KALRN: variants seen among roughly 807,000 people sequenced by gnomAD.
The protein encoded by KALRN is kalirin RhoGEF kinase.
Under a neutral mutation model 353.7 loss-of-function variants are expected in KALRN, and 70 were observed. That is an observed-to-expected ratio of 0.20 (90% CI 0.16 to 0.24). KALRN has a LOEUF of 0.24. KALRN is among the 10% of genes least tolerant of loss of function. The probability of loss-of-function intolerance (pLI) is 1.00; values close to 1 mark genes in which losing one functional copy is unlikely to be tolerated. For missense variants in KALRN, 2,791 were observed against 3,756.7 expected, an observed-to-expected ratio of 0.74 and a Z score of 6.72; for synonymous variants, 1,391 against 1,434.8, an observed-to-expected ratio of 0.97 and a Z score of 0.69.
intron 34 of KALRN, among the ~76,000 whole-genome samples, chr3:124,598,763 G>T (rs1462348099): frequency 7.9e-5 from 12 of 152,192 alleles, no homozygotes; most frequent in Non-Finnish European, 1.6e-4. Context: ...TGCAACCTCC[G>T]CATCCCAGGC....
intron 15 of KALRN, 34 bp from the exon 16 acceptor site, chr3:124,430,622 G>C: frequency 6.2e-7 from 1 of 1,611,448 alleles, no homozygotes. Flanking sequence ...ACTGCGGAAG[G>C]CCATTCACCT....
chr3:124,671,038 A>G (rs1347986415), intron 47 of KALRN, among the ~76,000 whole-genome samples: 1 of 152,002 alleles, frequency 6.6e-6, no homozygotes, highest in Non-Finnish European at 1.5e-5. Flanking sequence ...CGCTTTTACC[A>G]TTCTGTGGCT....
intron 1 of KALRN, among the ~76,000 whole-genome samples, chr3:124,181,094 A>AAAAAAAAAAAAAAAAC: frequency 6.7e-6 from 1 of 149,738 alleles, no homozygotes. Context: ...AAAAAAAAAA[A>AAAAAAAAAAAAAAAAC]AAAAAAATTA....
At chr3:124,660,499 T>C (rs757445984) in intron 43 of KALRN, among the ~76,000 whole-genome samples, 3 of 151,964 alleles carry the variant, frequency 2.0e-5, no homozygotes, top group Non-Finnish European at 4.4e-5. Flanking sequence ...CTGGCCAACA[T>C]GGTGAAACAC....
intron 1 of KALRN, among the ~76,000 whole-genome samples, chr3:124,185,594 C>G (rs899345607): frequency 6.6e-6 from 1 of 152,204 alleles, no homozygotes; most frequent in South Asian, 2.1e-4. Context: ...CTGACTCTGT[C>G]GTGAGCAGTA....
At chr3:124,584,965 C>A in intron 34 of KALRN, 1 of 1,456,504 alleles carries the variant, frequency 6.9e-7, no homozygotes, top group Non-Finnish European at 9.2e-7. Flanking sequence ...GCGCTCAGCG[C>A]GAGGGAGGGT....
chr3:124,326,309 C>T lies in KALRN; in HGVS notation c.1284+138C>T, dbSNP rs2079905636. On this transcript the variant is annotated intron_variant, in intron 7 of 59. Transcript: ENST00000682506. ...TGAAACACTGAAGACCCTGCCGAGT[C>T]ATTGCAACAATAACCTATGTTCTAC... 4 of 572,534 alleles carry T rather than the reference C, an allele frequency of 7.0e-6. No individual in the cohort carries two copies. In the South Asian group the frequency reaches 1.5e-4, roughly 22 times the overall value. The allele number at this position is 572,534 out of a possible 1,614,324, so 35.5% of individuals were successfully genotyped here.
At chr3:124,268,287 T>G (rs2073798015) in intron 4 of KALRN, among the ~76,000 whole-genome samples, 1 of 152,166 alleles carries the variant, frequency 6.6e-6, no homozygotes, top group Admixed American at 6.5e-5. Flanking sequence ...CTGTGAAATC[T>G]TTGCAGCCCA....
intron 33 of KALRN, among the ~76,000 whole-genome samples, chr3:124,522,136 C>T (rs961378819): frequency 6.6e-6 from 1 of 151,554 alleles, no homozygotes; most frequent in African/African-American, 2.4e-5. Context: ...GTACTCAGTA[C>T]ATCATTTTCT....
intron 10 of KALRN, among the ~76,000 whole-genome samples, chr3:124,360,318 G>C (rs763242588): frequency 6.6e-6 from 1 of 152,214 alleles, no homozygotes; most frequent in Non-Finnish European, 1.5e-5. Flanking sequence ...TGGAGGACAA[G>C]TCTGTCAGGG....
chr3:124,456,525 T>C (rs559870055), intron 22 of KALRN, 85 bp from the exon 23 acceptor site: 47 of 845,204 alleles, frequency 5.6e-5, no homozygotes, highest in African/African-American at 5.1e-4. Context: ...TATCTTTTTT[T>C]CCCCCTTTTA....
intron 1 of KALRN, among the ~76,000 whole-genome samples, chr3:124,146,874 C>CAAAAAAAAAAAAAAA (rs34633708): frequency 4.0e-5 from 2 of 49,934 alleles, no homozygotes; most frequent in Non-Finnish European, 6.9e-5. Context: ...GACTCTGTCT[C>CAAAAAAAAAAAAAAA]AAAAAAAAAA....
intron 15 of KALRN, among the ~76,000 whole-genome samples, chr3:124,425,993 G>A (rs1353790040): frequency 1.3e-5 from 2 of 152,186 alleles, no homozygotes; most frequent in Non-Finnish European, 2.9e-5. Flanking sequence ...GACACACCGT[G>A]GGACTGTCGT....
chr3:124,039,052 T>C (rs2039697074), intron 1 of KALRN, among the ~76,000 whole-genome samples: 1 of 152,234 alleles, frequency 6.6e-6, no homozygotes, highest in African/African-American at 2.4e-5. Flanking sequence ...GCAGACACAT[T>C]AAACTTCCTA....
In KALRN at chr3:124,084,112, G is replaced by A. The variant is rs2060681498; in HGVS notation, c.73+50299G>A. 2.0e-5 allele frequency among the ~76,000 whole-genome samples: 3 copies of A among 152,320 alleles called. 1 individual carries two copies. The South Asian group carries it at 6.2e-4, about 32-fold the overall frequency. On this transcript the variant is annotated intron_variant, in intron 1 of 59. Coordinates refer to ENST00000682506, the MANE Select transcript of KALRN (RefSeq NM_001388419.1). ...TAAAGATCAATACCCAGAAATGGCC[G>A]ACCTCTGCTGGTGCTCCGCCACTGT... is the stretch of plus-strand genomic sequence containing the variant.
intron 34 of KALRN, among the ~76,000 whole-genome samples, chr3:124,576,728 C>T (rs753988310): frequency 1.3e-5 from 2 of 152,178 alleles, no homozygotes; most frequent in Non-Finnish European, 2.9e-5. Flanking sequence ...CACTGTACTC[C>T]GTGAATGTAC....
intron 1 of KALRN, among the ~76,000 whole-genome samples, chr3:124,070,845 C>CCTTTCTGG (rs1420673476): frequency 6.6e-6 from 1 of 152,180 alleles, no homozygotes; most frequent in East Asian, 1.9e-4. Context: ...TGTCCCTTCT[C>CCTTTCTGG]CTTTCTGGGT....
intron 32 of KALRN, among the ~76,000 whole-genome samples, chr3:124,494,300 TATAGAGGAGTTC>T (rs1446563204): frequency 9.2e-5 from 14 of 152,292 alleles, no homozygotes; most frequent in African/African-American, 3.1e-4. Context: ...GGGGACAGTT[TATAGAGGAGTTC>T]ATTGGTTGGG....
intron 25 of KALRN, 67 bp downstream of exon 25, chr3:124,462,700 G>A: frequency 1.1e-6 from 1 of 905,794 alleles, no homozygotes; most frequent in South Asian, 1.4e-5. Flanking sequence ...GGGTTCCCAA[G>A]AAGTGGATCA....
Sources: gnomAD v4.1 joint callset for allele counts (sites outside exome capture counted in the v4.1 genomes callset) on GRCh38, gnomAD v4.1.1 for gene constraint, MANE v1.5 for transcripts, NCBI Gene and HGNC (gene_info 2026-07-23, HGNC 2026-07-21) for gene names.